The following SNTG1 variants were observed in gnomAD, a reference collection of about 807,000 sequenced individuals.
SNTG1 encodes the protein gamma-1-syntrophin.
In SNTG1, 39 loss-of-function variants were observed where a neutral mutation model predicts 74.7. The ratio of observed to expected loss-of-function variants is 0.52; its 90% confidence interval spans 0.40 to 0.68. SNTG1 has a LOEUF of 0.68. SNTG1 is among the 30% of genes least tolerant of loss of function. SNTG1 has a pLI of 0.00. For synonymous variants in SNTG1, 254 were observed against 217.1 expected, an observed-to-expected ratio of 1.17 and a Z score of -1.49; for missense variants, 685 against 609.5, an observed-to-expected ratio of 1.12 and a Z score of -1.30.
chr8:50,374,264 G>C (rs145549410), intron 2 of SNTG1, among the ~76,000 whole-genome samples: 1 of 152,326 alleles, frequency 6.6e-6, no homozygotes, highest in African/African-American at 2.4e-5. Flanking sequence ...ATCAATTGTA[G>C]TTTCCTTAAT....
intron 1 of SNTG1, among the ~76,000 whole-genome samples, chr8:49,945,499 T>C (rs914300770): frequency 6.6e-6 from 1 of 152,234 alleles, no homozygotes; most frequent in Non-Finnish European, 1.5e-5. Flanking sequence ...GCCCCAGTAA[T>C]GCTGCCTTAT....
chr8:49,926,279 G>A (rs1409566310), intron 1 of SNTG1, among the ~76,000 whole-genome samples: 1 of 150,622 alleles, frequency 6.6e-6, no homozygotes, highest in East Asian at 2.0e-4. Context: ...AAATAAATAG[G>A]TTTGTGAAAG....
At chr8:50,396,905 G>C (rs2092735075) in intron 3 of SNTG1, among the ~76,000 whole-genome samples, 1 of 152,188 alleles carries the variant, frequency 6.6e-6, no homozygotes. Context: ...TTAAATGTGA[G>C]ATTTGTTTAA....
chr8:50,007,664 G>C (rs1396621616), intron 1 of SNTG1, among the ~76,000 whole-genome samples: 1 of 152,142 alleles, frequency 6.6e-6, no homozygotes, highest in Non-Finnish European at 1.5e-5. Flanking sequence ...AGATTCCATA[G>C]GATTTCAGAG....
intron 1 of SNTG1, among the ~76,000 whole-genome samples, chr8:49,954,174 G>C (rs1234147302): frequency 6.6e-6 from 1 of 151,942 alleles, no homozygotes; most frequent in Non-Finnish European, 1.5e-5. Context: ...AAACTAACTG[G>C]GTAATTTTTA....
chr8:50,601,542 T>C (rs148671121), intron 13 of SNTG1, among the ~76,000 whole-genome samples: 3 of 152,338 alleles, frequency 2.0e-5, no homozygotes, highest in East Asian at 3.9e-4. Context: ...TTAGCTGACA[T>C]ATGGTATCTC....
At chr8:49,951,873 C>CAAAAAAAAAAAAAAAAAAA (rs5891338) in intron 1 of SNTG1, among the ~76,000 whole-genome samples, 2 of 56,268 alleles carry the variant, frequency 3.6e-5, no homozygotes, top group African/African-American at 5.7e-5. Flanking sequence ...GGAAAATTCA[C>CAAAAAAAAAAAAAAAAAAA]AAAAAAAAAA....
intron 8 of SNTG1, among the ~76,000 whole-genome samples, chr8:50,501,991 TTTTAA>T (rs2093962756): frequency 6.6e-6 from 1 of 152,146 alleles, no homozygotes; most frequent in African/African-American, 2.4e-5. Flanking sequence ...CTTCTTGTTC[TTTTAA>T]TTTTTTTTAA....
In SNTG1 at chr8:50,502,784, G is replaced by A. The variant is rs189367709; in HGVS notation, c.370G>A (p.Val124Ile). The A allele has an allele frequency of 5.3e-5, 85 of 1,611,922 alleles. No homozygotes were observed. The highest frequency in any genetic ancestry group is 6.5e-5 in the Non-Finnish European group (77 of 1,178,694). Residue 124 changes from valine (V) to isoleucine (I), a missense_variant, in exon 9 of 19, where the codon GTT (valine) becomes ATT (isoleucine). Transcript: ENST00000642720. ...RKCRHEEVVQ[V>I]LRNAGEEVTL... ...TTTTTATTCTTTTTTTCAGGTTCAG[G>A]TTCTTCGGAATGCTGGAGAAGAAGT...
chr8:50,350,535 ATATC>A (rs2091624825), intron 2 of SNTG1, among the ~76,000 whole-genome samples: 2 of 133,826 alleles, frequency 1.5e-5, no homozygotes. Flanking sequence ...TCCACACTCT[ATATC>A]TAGCTACTCT....
intron 1 of SNTG1, among the ~76,000 whole-genome samples, chr8:49,981,022 C>A (rs1011641397): frequency 6.6e-6 from 1 of 152,116 alleles, no homozygotes; most frequent in African/African-American, 2.4e-5. Flanking sequence ...AGAGTGAAGA[C>A]CAGTGAAGCT....
intron 2 of SNTG1, among the ~76,000 whole-genome samples, chr8:50,350,279 G>A (rs949207791): frequency 3.3e-5 from 5 of 152,200 alleles, no homozygotes; most frequent in South Asian, 2.1e-4. Flanking sequence ...CAGTCCCACC[G>A]ACCACCCAAG....
intron 2 of SNTG1, among the ~76,000 whole-genome samples, chr8:50,367,062 T>C (rs1347620937): frequency 6.6e-6 from 1 of 151,538 alleles, no homozygotes; most frequent in Admixed American, 6.6e-5. Context: ...AGCAATAGCA[T>C]GGAGTCCTAG....
At chr8:50,739,680 A>G (rs1282469850) in intron 17 of SNTG1, among the ~76,000 whole-genome samples, 1 of 145,024 alleles carries the variant, frequency 6.9e-6, no homozygotes, top group Non-Finnish European at 1.6e-5. Context: ...AAAGTATAAT[A>G]AAAAAATAAA....
Position 50,308,907 on chromosome 8 carries a change from T to C in SNTG1, c.-27-85305T>C, listed in dbSNP as rs530524738. Among the ~76,000 whole-genome samples the C allele has an allele frequency of 3.0e-4, 45 of 152,124 alleles. 1 individual carries two copies. Among genetic ancestry groups the C allele is most frequent in the Non-Finnish European group, 5.4e-4 (37 of 68,008 alleles). ...TTATACAAATGATGTTTTGTTTTTT[T>C]TTAAATGTTTCTATTCATAAACTAG... On this transcript the variant is annotated intron_variant, in intron 2 of 18. Transcript: ENST00000642720.
intron 8 of SNTG1, chr8:50,457,223 T>C (rs2093514770): frequency 2.0e-5 from 3 of 152,160 alleles, no homozygotes; most frequent in Non-Finnish European, 4.4e-5. Flanking sequence ...TTCAGTTCTT[T>C]CATTGTCAAA....
intron 1 of SNTG1, among the ~76,000 whole-genome samples, chr8:50,092,180 T>C (rs931596581): frequency 6.6e-6 from 1 of 152,168 alleles, no homozygotes; most frequent in African/African-American, 2.4e-5. Context: ...AGCTCCCCGT[T>C]CCTGGAAGGA....
At chr8:50,688,027 T>C (rs898025492) in intron 15 of SNTG1, among the ~76,000 whole-genome samples, 2 of 151,864 alleles carry the variant, frequency 1.3e-5, no homozygotes, top group South Asian at 2.1e-4. Flanking sequence ...CATTTTTTCA[T>C]GCGTTTTTTG....
At chr8:49,999,546 C>A (rs1262700556) in intron 1 of SNTG1, among the ~76,000 whole-genome samples, 2 of 152,162 alleles carry the variant, frequency 1.3e-5, no homozygotes, top group East Asian at 1.9e-4. Context: ...ATGAGTCTGA[C>A]CATTCGTCCC....
Sources: gnomAD v4.1 joint callset for allele counts (sites outside exome capture counted in the v4.1 genomes callset) on GRCh38, gnomAD v4.1.1 for gene constraint, MANE v1.5 for transcripts, NCBI Gene and HGNC (gene_info 2026-07-23, HGNC 2026-07-21) for gene names.